FAAH2: variants seen among roughly 807,000 people sequenced by gnomAD.
The protein encoded by FAAH2 is fatty acid amide hydrolase 2.
FAAH2 carries 60 observed loss-of-function variants against 36.9 expected under a neutral mutation model. The observed-to-expected ratio is 1.63, with a 90% CI of 1.32 to 2.02. The LOEUF is 2.02. Ranked by LOEUF, FAAH2 falls within the 30% of genes most tolerant of loss-of-function variation. The pLI, the probability that FAAH2 is intolerant of heterozygous loss-of-function variation, is 0.00. For synonymous variants in FAAH2, 214 were observed against 143.8 expected (o/e 1.49, Z -3.49); for missense variants, 689 against 397.5 (o/e 1.73, Z -6.23).
chrX:57,305,666 C>T (rs2052501437), intron 2 of FAAH2, among the ~76,000 whole-genome samples: 1 of 111,770 alleles, frequency 8.9e-6, no homozygotes, highest in African/African-American at 3.2e-5. Flanking sequence ...CATGTAAGGG[C>T]CCTTTGTAAT....
At chrX:57,149,950 G>T in the FAAH2 span, among the ~76,000 whole-genome samples, 1 of 111,539 alleles carries the variant, frequency 9.0e-6, no homozygotes, top group African/African-American at 3.3e-5. Context: ...AGAGATTCTG[G>T]TGTGTTGTGT....
intron 10 of FAAH2, among the ~76,000 whole-genome samples, chrX:57,456,672 A>G (rs192572487): frequency 4.4e-5 from 5 of 112,480 alleles, no homozygotes; most frequent in Admixed American, 9.4e-5. Flanking sequence ...ACCTTTGTGA[A>G]CACAAGTTAG....
chrX:57,238,270 G>A, the FAAH2 span, among the ~76,000 whole-genome samples: 14 of 112,172 alleles, frequency 1.2e-4, no homozygotes, highest in South Asian at 3.7e-3. Context: ...TGGTAGAAAG[G>A]ATGAAGAAAA....
chrX:57,322,810 T>C (rs2053070735), intron 3 of FAAH2, among the ~76,000 whole-genome samples: 1 of 4,305 alleles, frequency 2.3e-4, no homozygotes, highest in East Asian at 0.2. Context: ...TGTGATTTCT[T>C]TTTTTTTTTG....
At chrX:57,415,340 C>T (rs951434612) in intron 7 of FAAH2, among the ~76,000 whole-genome samples, 2 of 111,604 alleles carry the variant, frequency 1.8e-5, no homozygotes, top group African/African-American at 6.5e-5. Flanking sequence ...TAGATCTTTC[C>T]TGCTTTCTCC....
At chrX:57,168,114 T>C in the FAAH2 span, among the ~76,000 whole-genome samples, 1 of 111,833 alleles carries the variant, frequency 8.9e-6, no homozygotes, top group Admixed American at 9.5e-5. Flanking sequence ...AAATATAGAC[T>C]AGATTTTAAC....
chrX:57,351,279 A>G (rs1602368348), intron 5 of FAAH2, among the ~76,000 whole-genome samples: 1 of 111,522 alleles, frequency 9.0e-6, no homozygotes, highest in East Asian at 2.8e-4. Flanking sequence ...AAAGCAAAAT[A>G]TATTTGAAAC....
At chrX:57,461,712 A>G (rs2056960400) in intron 10 of FAAH2, among the ~76,000 whole-genome samples, 1 of 110,967 alleles carries the variant, frequency 9.0e-6, no homozygotes, top group Non-Finnish European at 1.9e-5. Context: ...AAGATCTAAA[A>G]TCAACACCCT....
the FAAH2 span, among the ~76,000 whole-genome samples, chrX:57,159,402 T>C: frequency 8.9e-6 from 1 of 111,841 alleles, no homozygotes; most frequent in East Asian, 2.8e-4. Flanking sequence ...TTGATGGGGA[T>C]GGCATTGAAT....
At chrX:57,361,126 C>A (rs1348971050) in intron 5 of FAAH2, among the ~76,000 whole-genome samples, 1 of 111,819 alleles carries the variant, frequency 8.9e-6, no homozygotes, top group Non-Finnish European at 1.9e-5. Flanking sequence ...ATAATTAGTT[C>A]TTTCTTAAAT....
At chrX:57,128,324 A>G in the FAAH2 span, among the ~76,000 whole-genome samples, 3 of 111,767 alleles carry the variant, frequency 2.7e-5, no homozygotes, top group South Asian at 1.1e-3. Context: ...ATTTTTAGCA[A>G]TCTTCCAAGA....
chrX:57,424,159 TAAAC>T (rs1335829321), intron 7 of FAAH2, among the ~76,000 whole-genome samples: 1 of 111,765 alleles, frequency 8.9e-6, no homozygotes, highest in African/African-American at 3.3e-5. Context: ...CTAAGAAAAT[TAAAC>T]AAATTCTACA....
chrX:57,202,590 C>T, the FAAH2 span, among the ~76,000 whole-genome samples: 1 of 111,629 alleles, frequency 9.0e-6, no homozygotes, highest in Non-Finnish European at 1.9e-5. Flanking sequence ...AGAACTGAGC[C>T]CAGCACAGCA....
chrX:57,122,242 T>A, the FAAH2 span, among the ~76,000 whole-genome samples: 1 of 112,026 alleles, frequency 8.9e-6, no homozygotes, highest in Non-Finnish European at 1.9e-5. Context: ...AACTGGGATT[T>A]GTTTTTTATC....
At chrX:57,375,362 T>C (rs1238677247) in intron 5 of FAAH2, among the ~76,000 whole-genome samples, 1 of 107,124 alleles carries the variant, frequency 9.3e-6, no homozygotes, top group Non-Finnish European at 1.9e-5. Context: ...ACTTTTTTTT[T>C]TTTTTTTTTG....
intron 4 of FAAH2, among the ~76,000 whole-genome samples, chrX:57,332,580 C>T (rs1602306348): frequency 8.9e-6 from 1 of 111,850 alleles, no homozygotes. Flanking sequence ...ACCAGCACAG[C>T]TTTAGAGAAA....
At chrX:57,417,903 T>G (rs1424607455) in intron 7 of FAAH2, among the ~76,000 whole-genome samples, 1 of 111,966 alleles carries the variant, frequency 8.9e-6, no homozygotes, top group Non-Finnish European at 1.9e-5. Context: ...CTGGGGCTGT[T>G]GCCTTTCTTT....
the FAAH2 span, among the ~76,000 whole-genome samples, chrX:57,158,495 C>T: frequency 8.9e-6 from 1 of 111,894 alleles, no homozygotes; most frequent in South Asian, 3.8e-4. Context: ...TTGTCCACAT[C>T]CTCTCCAGCA....
In FAAH2 at chrX:57,446,999, A is replaced by G; in HGVS notation, c.1188A>G (p.Lys396=). 3 of 1,209,560 alleles carry G rather than the reference A, an allele frequency of 2.5e-6. No homozygotes were observed. The highest frequency in any genetic ancestry group is 3.4e-6 in the Non-Finnish European group (3 of 894,269). The change falls in exon 9 of 11, where the codon AAA becomes AAG. Residue 396 remains lysine (K), a synonymous_variant. Transcript: ENST00000374900. Reference sequence around the variant, plus strand: ...TCAGTCCTCTGTGGGAGTTGATCAAATGGTGCCTGGGTCTGTCAGTGTACA... The same window carrying G: ...TCAGTCCTCTGTGGGAGTTGATCAAGTGGTGCCTGGGTCTGTCAGTGTACA... ...KHVSPLWELI[K]WCLGLSVYTI... is the part of the protein sequence containing the mutation.
Sources: allele counts gnomAD v4.1 joint callset (sites outside exome capture counted in the v4.1 genomes callset), GRCh38; gene constraint gnomAD v4.1.1; transcripts MANE v1.5; gene names NCBI Gene and HGNC (gene_info 2026-07-23, HGNC 2026-07-21).